The following AIM2 variants were observed in gnomAD, a reference collection of about 807,000 sequenced individuals.
The protein encoded by AIM2 is interferon-inducible protein AIM2.
Under a neutral mutation model 27.7 loss-of-function variants are expected in AIM2, and 30 were observed. The observed-to-expected ratio is 1.08, with a 90% confidence interval of 0.81 to 1.47. AIM2 has a LOEUF of 1.47. AIM2 is among the 40% of genes most tolerant of loss of function. The pLI, the probability that AIM2 is intolerant of heterozygous loss-of-function variation, is 0.00. For synonymous variants in AIM2, 141 were observed against 145.3 expected, an observed-to-expected ratio of 0.97 and a Z score of 0.21; for missense variants, 358 against 411.3, an observed-to-expected ratio of 0.87 and a Z score of 1.12.
In AIM2 at chr1:159,066,288, T is replaced by C. The variant is rs1656090742; in HGVS notation, c.438A>G (p.Arg146=). 4 of 1,613,912 alleles carry C rather than the reference T, an allele frequency of 2.5e-6. No homozygotes were observed. In the South Asian group the frequency reaches 4.4e-5, roughly 18 times the overall value. The part of the protein sequence containing the change: ...KQMVAQQESI[R]EGFQKRCLPV... ...GCAAACAGCGCTTCTGAAACCCTTCTCTGATAGATTCCTGCTGGGCCACCA... is the reference window on the plus strand; with the variant it reads ...GCAAACAGCGCTTCTGAAACCCTTCCCTGATAGATTCCTGCTGGGCCACCA... Residue 146 remains arginine, a synonymous_variant, in exon 4 of 6, where the codon AGA becomes AGG. Coordinates refer to ENST00000368130, the MANE Select transcript of AIM2 (RefSeq NM_004833.3).
At chr1:159,104,977 T>C (rs780264577) in intron 1 of AIM2, among the ~76,000 whole-genome samples, 26 of 152,334 alleles carry the variant, frequency 1.7e-4, no homozygotes, top group Admixed American at 2.0e-4. Context: ...GAAACCCCTG[T>C]GTCCAGTGGC....
At chr1:159,145,221 C>T (rs548472156), upstream of AIM2, among the ~76,000 whole-genome samples, 1 of 152,220 alleles carries the variant, frequency 6.6e-6, no homozygotes, top group East Asian at 1.9e-4. Flanking sequence ...AACTCCTACC[C>T]CTTAAGGAAG....
At chr1:159,136,573 C>T (rs1050137192) in intron 1 of AIM2, among the ~76,000 whole-genome samples, 2 of 152,174 alleles carry the variant, frequency 1.3e-5, no homozygotes, top group African/African-American at 4.8e-5. Flanking sequence ...TCTCACCATT[C>T]ATTCTCTCAA....
At chr1:159,081,561 CTT>C (rs1656775736), upstream of AIM2, 1 of 496,518 alleles carries the variant, frequency 2.0e-6, no homozygotes, top group African/African-American at 2.0e-5. Context: ...TCCTCAGGCT[CTT>C]GAGTATTGAT....
chr1:159,142,995 C>T (rs1203892162), upstream of AIM2, among the ~76,000 whole-genome samples: 1 of 152,214 alleles, frequency 6.6e-6, no homozygotes, highest in Non-Finnish European at 1.5e-5. Context: ...CACTGTGTGT[C>T]TCCACAGCCC....
At chr1:159,072,624 AT>A (rs979132584) in intron 2 of AIM2, among the ~76,000 whole-genome samples, 3 of 152,208 alleles carry the variant, frequency 2.0e-5, no homozygotes, top group Non-Finnish European at 4.4e-5. Flanking sequence ...TGTAAAAAAA[AT>A]CTTTGTGTTG....
chr1:159,073,107 G>GAC, intron 2 of AIM2, 131 bp downstream of exon 2: 6 of 1,112,986 alleles, frequency 5.4e-6, no homozygotes, highest in Non-Finnish European at 7.7e-6. Flanking sequence ...GGGGCAAAGA[G>GAC]ACAGGTGCAC....
chr1:159,120,474 ATTG>A, intron 1 of AIM2, among the ~76,000 whole-genome samples: 1 of 152,206 alleles, frequency 6.6e-6, no homozygotes. Context: ...TATCACAGCT[ATTG>A]TTGTCTTTTG....
At chr1:159,065,805 TG>T (rs1365901256) in intron 4 of AIM2, 104 bp downstream of exon 4, 2 of 1,205,268 alleles carry the variant, frequency 1.7e-6, no homozygotes, top group African/African-American at 3.1e-5. Context: ...TTTTTTATTT[TG>T]TCTATATAGA....
chr1:159,119,360 G>A (rs1292571638), intron 1 of AIM2, among the ~76,000 whole-genome samples: 2 of 152,086 alleles, frequency 1.3e-5, no homozygotes, highest in Admixed American at 1.3e-4. Context: ...AACCTCTACT[G>A]TGGCAAATAA....
At chr1:159,108,607 C>T (rs1387821452) in intron 1 of AIM2, among the ~76,000 whole-genome samples, 1 of 152,146 alleles carries the variant, frequency 6.6e-6, no homozygotes, top group Non-Finnish European at 1.5e-5. Flanking sequence ...CAAACTGTTG[C>T]TGTTTGTGGC....
At position 159,122,743 on chromosome 1, in the gene AIM2, CTCT is replaced by C. The variant is rs142908846; in HGVS notation, c.-16+17685_-16+17687del. 7.5e-3 allele frequency among the ~76,000 whole-genome samples: 1,145 copies of C among 152,322 alleles called. 12 individuals carry two copies. Among genetic ancestry groups the C allele is most frequent in the African/African-American group, 0.026 (1,078 of 41,590 alleles). Reference sequence around the variant, plus strand: ...AAGTCACCTGCAGAAGGCCTTTCCTCTCTTCTTTATGCCTTGCTCCTCTAATGT... The same window carrying C: ...AAGTCACCTGCAGAAGGCCTTTCCTCTCTTTATGCCTTGCTCCTCTAATGT... On this transcript the variant is annotated intron_variant, in intron 1 of 2. Coordinates refer to the AIM2 transcript ENST00000368129.
chr1:159,075,592 C>A (rs1381897715), intron 1 of AIM2, among the ~76,000 whole-genome samples: 8 of 142,936 alleles, frequency 5.6e-5, no homozygotes, highest in Non-Finnish European at 1.2e-4. Context: ...TATGGCTATA[C>A]CTGCTATATA....
chr1:159,109,886 T>C (rs950521828), intron 1 of AIM2, among the ~76,000 whole-genome samples: 2 of 152,116 alleles, frequency 1.3e-5, no homozygotes, highest in East Asian at 3.9e-4. Context: ...AGAATGGCCA[T>C]AATCAAAAAA....
the AIM2 span, among the ~76,000 whole-genome samples, chr1:159,055,338 A>G: frequency 6.6e-6 from 1 of 152,204 alleles, no homozygotes; most frequent in Non-Finnish European, 1.5e-5. Flanking sequence ...GAAAGAAACC[A>G]GGCTAAAGGG....
At chr1:159,085,402 T>C (rs756272685) in intron 1 of AIM2, among the ~76,000 whole-genome samples, 1 of 152,164 alleles carries the variant, frequency 6.6e-6, no homozygotes, top group Non-Finnish European at 1.5e-5. Flanking sequence ...TATTCCCAGA[T>C]TTCTGGCTCA....
chr1:159,105,434 T>C (rs1657417686), intron 1 of AIM2, among the ~76,000 whole-genome samples: 1 of 152,164 alleles, frequency 6.6e-6, no homozygotes, highest in Non-Finnish European at 1.5e-5. Flanking sequence ...TCTGCCCTGT[T>C]TGTGTTACAG....
chr1:159,119,164 G>T (rs997239250), intron 1 of AIM2, among the ~76,000 whole-genome samples: 10 of 152,006 alleles, frequency 6.6e-5, no homozygotes, highest in Non-Finnish European at 1.3e-4. Context: ...GAATCGGAAC[G>T]CTTGTAACCC....
At chr1:159,123,936 A>G (rs1647610201) in intron 1 of AIM2, among the ~76,000 whole-genome samples, 1 of 152,192 alleles carries the variant, frequency 6.6e-6, no homozygotes, top group Non-Finnish European at 1.5e-5. Flanking sequence ...GCTGGGGTAT[A>G]TTTGCCACTA....
Sources: allele counts gnomAD v4.1 joint callset (sites outside exome capture counted in the v4.1 genomes callset), GRCh38; gene constraint gnomAD v4.1.1; transcripts MANE v1.5; gene names NCBI Gene and HGNC (gene_info 2026-07-23, HGNC 2026-07-21).